The following DSCAM variants were observed in gnomAD, a reference collection of about 807,000 sequenced individuals.
DSCAM encodes the protein DS cell adhesion molecule.
DSCAM carries 47 observed loss-of-function variants against 217.7 expected under a neutral mutation model. That is an observed-to-expected ratio of 0.22 (90% CI 0.17 to 0.28). DSCAM has a LOEUF of 0.28. DSCAM is among the 10% of genes least tolerant of loss of function. The probability of loss-of-function intolerance (pLI) is 1.00; values close to 1 mark genes in which losing one functional copy is unlikely to be tolerated. For missense variants in DSCAM, 2,080 were observed against 2,618.3 expected (o/e 0.79, Z 4.49); for synonymous variants, 1,056 against 1,015.3 (o/e 1.04, Z -0.76).
At chr21:40,319,437 A>ATGTGTGTGTG (rs536367981) in intron 8 of DSCAM, among the ~76,000 whole-genome samples, 18 of 151,600 alleles carry the variant, frequency 1.2e-4, no homozygotes, top group Admixed American at 3.9e-4. Flanking sequence ...TCGTGTGTGC[A>ATGTGTGTGTG]TGTGTGTGTG....
intron 3 of DSCAM, among the ~76,000 whole-genome samples, chr21:40,585,441 A>AAAAAAAAAAAAAAAAAAAAAAT: frequency 7.4e-6 from 1 of 135,838 alleles, no homozygotes. Context: ...AAAAAAAAAA[A>AAAAAAAAAAAAAAAAAAAAAAT]AAGAAAAATG....
intron 16 of DSCAM, among the ~76,000 whole-genome samples, chr21:40,165,341 G>A (rs1378186002): frequency 1.3e-5 from 2 of 152,118 alleles, no homozygotes; most frequent in South Asian, 4.2e-4. Flanking sequence ...TAAACAGGCC[G>A]ATGTGAAATG....
chr21:40,530,593 A>G (rs906712210), intron 3 of DSCAM, among the ~76,000 whole-genome samples: 1 of 152,246 alleles, frequency 6.6e-6, no homozygotes. Flanking sequence ...TCTATTTGAC[A>G]TTAAAATGCT....
At chr21:40,616,362 C>T (rs2089393705) in intron 3 of DSCAM, among the ~76,000 whole-genome samples, 1 of 152,130 alleles carries the variant, frequency 6.6e-6, no homozygotes, top group African/African-American at 2.4e-5. Context: ...ACACATGCTG[C>T]CCAAGCTTAT....
intron 3 of DSCAM, among the ~76,000 whole-genome samples, chr21:40,664,256 GGAAGGA>G (rs1245804027): frequency 2.0e-5 from 3 of 152,298 alleles, no homozygotes; most frequent in South Asian, 4.1e-4. Flanking sequence ...GTATTGGCAT[GGAAGGA>G]GTAAGTGGGG....
At chr21:40,485,387 C>A (rs541804684) in intron 3 of DSCAM, among the ~76,000 whole-genome samples, 1 of 151,966 alleles carries the variant, frequency 6.6e-6, no homozygotes, top group African/African-American at 2.4e-5. Context: ...GGACTACAGG[C>A]GCCCGCCACC....
intron 1 of DSCAM, among the ~76,000 whole-genome samples, chr21:40,727,255 T>A (rs935359925): frequency 6.6e-6 from 1 of 152,186 alleles, no homozygotes; most frequent in African/African-American, 2.4e-5. Context: ...ATTGGAACCC[T>A]GGTTAAATTA....
At chr21:40,617,569 C>G (rs566646519) in intron 3 of DSCAM, among the ~76,000 whole-genome samples, 25 of 152,344 alleles carry the variant, frequency 1.6e-4, no homozygotes, top group African/African-American at 5.5e-4. Flanking sequence ...TAGGGTTTCT[C>G]AAGCTTGGCG....
At chr21:40,345,885 C>T (rs1473290162) in intron 6 of DSCAM, among the ~76,000 whole-genome samples, 3 of 152,172 alleles carry the variant, frequency 2.0e-5, no homozygotes, top group East Asian at 1.9e-4. Flanking sequence ...AATAAATCTG[C>T]GAGTGTGCTG....
intron 3 of DSCAM, among the ~76,000 whole-genome samples, chr21:40,406,943 A>C (rs1320192216): frequency 6.6e-6 from 1 of 152,104 alleles, no homozygotes; most frequent in Admixed American, 6.6e-5. Context: ...TAAAAACTTG[A>C]ACTCATAAAA....
At chr21:40,182,644 AG>A (rs1159409661) in intron 14 of DSCAM, among the ~76,000 whole-genome samples, 1 of 51,440 alleles carries the variant, frequency 1.9e-5, no homozygotes, top group Non-Finnish European at 3.5e-5. Context: ...CGTGGACAGG[AG>A]GGGGTTACCA....
intron 1 of DSCAM, among the ~76,000 whole-genome samples, chr21:40,717,426 A>AAT (rs1432631626): frequency 3.9e-5 from 6 of 152,282 alleles, no homozygotes; most frequent in African/African-American, 1.4e-4. Flanking sequence ...TGGTGGAAAC[A>AAT]GCCTACATGT....
At chr21:40,406,397 C>A (rs998617807) in intron 3 of DSCAM, among the ~76,000 whole-genome samples, 1 of 152,182 alleles carries the variant, frequency 6.6e-6, no homozygotes, top group African/African-American at 2.4e-5. Context: ...ACAGAATCAA[C>A]CTGTGTCCAC....
intron 20 of DSCAM, among the ~76,000 whole-genome samples, chr21:40,101,923 G>A (rs2089757326): frequency 6.6e-6 from 1 of 152,130 alleles, no homozygotes; most frequent in Non-Finnish European, 1.5e-5. Context: ...TGGGCTGTGG[G>A]AAGAAAATCT....
chr21:40,507,985 A>G lies in DSCAM; in HGVS notation c.509-138740T>C, dbSNP rs182146320. Among the ~76,000 whole-genome samples, 263 of 152,182 alleles carry G rather than the reference A, an allele frequency of 1.7e-3. 1 individual carries two copies. Among genetic ancestry groups the G allele is most frequent in the Non-Finnish European group, 3.1e-3 (209 of 68,008 alleles). On this transcript the variant is annotated intron_variant, in intron 3 of 32. Transcript: ENST00000400454. ...TAACCAAAACCCACCGGTATTTGCTAAATGTACCTGTGGAAAAATGGGTAC... is the reference window on the plus strand; with the variant it reads ...TAACCAAAACCCACCGGTATTTGCTGAATGTACCTGTGGAAAAATGGGTAC...
chr21:40,718,629 AAC>A (rs980169391), intron 1 of DSCAM, among the ~76,000 whole-genome samples: 10 of 151,922 alleles, frequency 6.6e-5, no homozygotes, highest in Non-Finnish European at 8.8e-5. Context: ...TCCCTCCCAA[AAC>A]ATGTGGGAAT....
At chr21:40,671,357 A>G (rs1440360896) in intron 3 of DSCAM, among the ~76,000 whole-genome samples, 1 of 152,180 alleles carries the variant, frequency 6.6e-6, no homozygotes, top group East Asian at 1.9e-4. Flanking sequence ...TAGCCTGAAC[A>G]AATAAAAAAG....
chr21:40,143,071 T>C (rs779809566), intron 17 of DSCAM, among the ~76,000 whole-genome samples: 8 of 152,196 alleles, frequency 5.3e-5, no homozygotes, highest in Non-Finnish European at 1.0e-4. Context: ...AGTTACTTCT[T>C]TAAGTTGCAT....
At chr21:40,354,848 CAAAAAAA>C (rs11314417) in intron 4 of DSCAM, among the ~76,000 whole-genome samples, 11 of 112,390 alleles carry the variant, frequency 9.8e-5, no homozygotes, top group Non-Finnish European at 1.4e-4. Context: ...AACTCTGTCT[CAAAAAAA>C]AAAAAAAAAA....
Sources: gnomAD v4.1 joint callset for allele counts (sites outside exome capture counted in the v4.1 genomes callset) on GRCh38, gnomAD v4.1.1 for gene constraint, MANE v1.5 for transcripts, NCBI Gene and HGNC (gene_info 2026-07-23, HGNC 2026-07-21) for gene names.